Variants in COG4 observed in about 807,000 individuals in gnomAD.
COG4 encodes the protein conserved oligomeric Golgi complex subunit 4.
Under a neutral mutation model 95.1 loss-of-function variants are expected in COG4, and 65 were observed. The observed-to-expected ratio is 0.68, with a 90% CI of 0.56 to 0.84. The LOEUF is 0.84. COG4 is among the 40% of genes least tolerant of loss of function. COG4 has a pLI of 0.00. For missense variants in COG4, 1,045 were observed against 989.1 expected, an observed-to-expected ratio of 1.06 and a Z score of -0.76; for synonymous variants, 421 against 374.8, an observed-to-expected ratio of 1.12 and a Z score of -1.42.
rs1286455516 is a variant in COG4 at position 70,483,949 on chromosome 16, G to A, written c.1731C>T (p.Phe577=). The A allele has an allele frequency of 1.9e-6, 3 of 1,612,596 alleles. No homozygotes were observed. The highest frequency in any genetic ancestry group is 3.3e-5 in the Admixed American group (2 of 59,998). Residue 577 remains phenylalanine (F), a synonymous_variant, in exon 14 of 19, where the codon TTC becomes TTT. Coordinates refer to ENST00000323786, the MANE Select transcript of COG4 (RefSeq NM_015386.3). ...CCTGCTCCCCTCCAATGCCCTGGCT[G>A]AAGAGCTTGGTGCAGTCACTCTAGG... The part of the protein sequence containing the change: ...KTLESDCTKL[F]SQGIGGEQAQ...
Position 70,511,278 on chromosome 16 carries a change from C to A in COG4, c.738+961G>T, listed in dbSNP as rs140379119. ...TGATTGCTAACTCCCTCATTTTAAACAGGAATGACAACATATTGTTTTGTG... is the reference window on the plus strand; with the variant it reads ...TGATTGCTAACTCCCTCATTTTAAAAAGGAATGACAACATATTGTTTTGTG... On this transcript the variant is annotated intron_variant, in intron 5 of 18. Transcript: ENST00000323786. Among the ~76,000 whole-genome samples the A allele has an allele frequency of 1.5e-4, 21 of 141,906 alleles. No homozygotes were observed. In the East Asian group the frequency reaches 4.2e-3, roughly 29 times the overall value. The allele number at this position is 141,906 out of a possible 152,430, so 93.1% of individuals were successfully genotyped here. A position where few individuals can be genotyped will look rare whatever the true frequency, so the allele number is the denominator to read the frequency against.
chr16:70,509,154 A>T, intron 7 of COG4, 77 bp downstream of exon 7: 1 of 1,581,588 alleles, frequency 6.3e-7, no homozygotes, highest in South Asian at 1.1e-5. Flanking sequence ...TCACTTTTTC[A>T]AACCCTACAA....
chr16:70,486,682 T>A (rs1018187325), intron 13 of COG4, among the ~76,000 whole-genome samples: 2 of 152,122 alleles, frequency 1.3e-5, no homozygotes, highest in Non-Finnish European at 1.5e-5. Context: ...TCAGAAATAG[T>A]CTAAAGTGCC....
At chr16:70,523,132 C>T in intron 1 of COG4, 1 of 559,206 alleles carries the variant, frequency 1.8e-6, no homozygotes, top group South Asian at 2.1e-5. Context: ...GGGAAATCAA[C>T]GGGGGTCTAG....
chr16:70,480,922 G>C lies in COG4; in HGVS notation c.*88C>G. The C allele has an allele frequency of 1.3e-6, 2 of 1,510,882 alleles. No homozygotes were observed. Among genetic ancestry groups the C allele is most frequent in the East Asian group, 2.3e-5 (1 of 44,232 alleles). The allele number at this position is 1,510,882 out of a possible 1,614,324, so 93.6% of individuals were successfully genotyped here. ...GTCTGGGCTGTCAGATCTCCCCCAA[G>C]CCAGACAGCCTCGCTCAGCTCCTTG... On this transcript the variant is annotated 3_prime_UTR_variant, in exon 19 of 19. Transcript: ENST00000323786.
chr16:70,487,071 G>A (rs1463300246), intron 13 of COG4, among the ~76,000 whole-genome samples: 3 of 151,398 alleles, frequency 2.0e-5, no homozygotes, highest in Non-Finnish European at 2.9e-5. Flanking sequence ...TGGGCGGATC[G>A]CCTGAGGTCG....
At chr16:70,482,550 C>T (rs2049020007) in intron 15 of COG4, 179 bp downstream of exon 15, 1 of 668,866 alleles carries the variant, frequency 1.5e-6, no homozygotes, top group Non-Finnish European at 2.7e-6. Flanking sequence ...TCTTTCTGAG[C>T]CCTTCTGACT....
At position 70,508,421 on chromosome 16, in the gene COG4, T is replaced by C. The variant is rs1007624276; in HGVS notation, c.1046A>G (p.Glu349Gly). 6.2e-7 allele frequency: 1 copy of C among 1,614,102 alleles called. No individual in the cohort carries two copies. Among genetic ancestry groups the C allele is most frequent in the Non-Finnish European group, 8.5e-7 (1 of 1,179,950 alleles). The change falls in exon 8 of 19, where the codon GAA (glutamate) becomes GGA (glycine). Residue 349 changes from glutamate to glycine, a missense_variant. Glu to Gly is a moderately conservative substitution (Grantham distance 98). Coordinates refer to ENST00000323786, the MANE Select transcript of COG4 (RefSeq NM_015386.3). ...QNNLMRNSTT[E>G]KIEPRELDPI... ...GGATTATTACCTTGGTTCGATTTTT[T>C]CTGTTGTAGAATTTCTCATCAGGTT... is the stretch of plus-strand genomic sequence containing the variant.
intron 13 of COG4, among the ~76,000 whole-genome samples, chr16:70,486,477 T>A (rs1008741932): frequency 1.3e-5 from 2 of 152,166 alleles, no homozygotes; most frequent in South Asian, 4.1e-4. Flanking sequence ...TGCCACCTGA[T>A]CTGCCTATCT....
intron 9 of COG4, among the ~76,000 whole-genome samples, chr16:70,499,211 C>T (rs2049399668): frequency 6.6e-6 from 1 of 151,604 alleles, no homozygotes; most frequent in Non-Finnish European, 1.5e-5. Context: ...TCTCAGAATC[C>T]AGCTGAGAAA....
rs1310389647 is a variant in COG4 at position 70,523,357 on chromosome 16, A to G, written c.171+16T>C. The G allele has an allele frequency of 2.5e-6, 4 of 1,613,820 alleles. No homozygotes were observed. Among genetic ancestry groups the G allele is most frequent in the South Asian group, 2.2e-5 (2 of 91,088 alleles). Reference sequence around the variant, plus strand: ...CCCTAGATCCTCCATGAAAAAGAAGAGGCTCGACCCCGCACCTCCTCGCCG... The same window carrying G: ...CCCTAGATCCTCCATGAAAAAGAAGGGGCTCGACCCCGCACCTCCTCGCCG... On this transcript the variant is annotated intron_variant, in intron 1 of 18. Coordinates refer to ENST00000323786, the MANE Select transcript of COG4 (RefSeq NM_015386.3).
chr16:70,512,316 G>A lies in COG4; in HGVS notation c.661C>T (p.Arg221Cys), dbSNP rs937633759. ...AGCAGTGGGAAGATCTTGAAGAAGCGCTCCACCTGGGGCAGATCACCTTCC... is the reference window on the plus strand; with the variant it reads ...AGCAGTGGGAAGATCTTGAAGAAGCACTCCACCTGGGGCAGATCACCTTCC... The part of the protein sequence containing the change: ...TKEGDLPQVE[R>C]FFKIFPLLGL... The change falls in exon 5 of 19, where the codon CGC becomes TGC. Residue 221 changes from arginine to cysteine, a missense_variant. By Grantham distance (180) the Arg-to-Cys change is radical. Transcript: ENST00000323786. The A allele has an allele frequency of 5.6e-6, 9 of 1,613,932 alleles. No individual in the cohort carries two copies. Among genetic ancestry groups the A allele is most frequent in the Admixed American group, 1.7e-5 (1 of 59,986 alleles).
At chr16:70,508,364 A>C in intron 8 of COG4, 42 bp downstream of exon 8, 1 of 1,543,666 alleles carries the variant, frequency 6.5e-7, no homozygotes, top group Non-Finnish European at 9.0e-7. Flanking sequence ...ATGATTACCA[A>C]TTCAAACTCC....
chr16:70,502,280 C>CAAAAAA (rs59805765), intron 8 of COG4, among the ~76,000 whole-genome samples: 4 of 19,112 alleles, frequency 2.1e-4, no homozygotes, highest in African/African-American at 4.4e-4. Flanking sequence ...GACTCCGTCT[C>CAAAAAA]AAAAAAAAAA....
chr16:70,512,159 C>T (rs2151760171), intron 5 of COG4, 80 bp downstream of exon 5: 1 of 1,329,950 alleles, frequency 7.5e-7, no homozygotes. Context: ...AAAGTATCCA[C>T]AGAAACTGGA....
chr16:70,512,234 C>T lies in COG4; in HGVS notation c.738+5G>A. ...ATTATCCTGCCAAGCAATCAGGGTC[C>T]ATACCTGCTTGCAAAGGTACTCCGA... is the stretch of plus-strand genomic sequence containing the variant. On this transcript the variant is annotated splice_donor_5th_base_variant and intron_variant, in intron 5 of 18. Transcript: ENST00000323786. The T allele has an allele frequency of 6.2e-7, 1 of 1,613,306 alleles. No homozygotes were observed. Among genetic ancestry groups the T allele is most frequent in the Non-Finnish European group, 8.5e-7 (1 of 1,179,256 alleles).
intron 10 of COG4, 73 bp downstream of exon 10, chr16:70,497,864 C>T (rs1343501413): frequency 2.3e-6 from 2 of 869,494 alleles, no homozygotes; most frequent in East Asian, 2.4e-5. Context: ...ATATGACATG[C>T]CTCAGCCATT....
intron 8 of COG4, among the ~76,000 whole-genome samples, chr16:70,502,831 G>T (rs2049482295): frequency 1.3e-5 from 2 of 152,286 alleles, no homozygotes; most frequent in South Asian, 4.1e-4. Flanking sequence ...ACTGGCATAT[G>T]AATAGATATA....
intron 13 of COG4, among the ~76,000 whole-genome samples, chr16:70,489,563 G>C (rs1201407588): frequency 6.8e-6 from 1 of 147,442 alleles, no homozygotes; most frequent in Non-Finnish European, 1.5e-5. Context: ...TTTTTGTAGA[G>C]ATGAGGTCTC....
Sources: gnomAD v4.1 joint callset for allele counts (sites outside exome capture counted in the v4.1 genomes callset) on GRCh38, gnomAD v4.1.1 for gene constraint, MANE v1.5 for transcripts, NCBI Gene and HGNC (gene_info 2026-07-23, HGNC 2026-07-21) for gene names.